ZFPM2: variants seen among roughly 807,000 people sequenced by gnomAD.
The protein encoded by ZFPM2 is zinc finger protein ZFPM2.
In ZFPM2, 20 loss-of-function variants were observed where a neutral mutation model predicts 98.6. That is an observed-to-expected ratio of 0.20 (90% CI 0.14 to 0.29). The LOEUF is 0.29. Ranked by LOEUF, ZFPM2 falls within the 10% of genes least tolerant of loss-of-function variation. ZFPM2 has a pLI of 1.00. For synonymous variants in ZFPM2, 518 were observed against 502.7 expected, an observed-to-expected ratio of 1.03 and a Z score of -0.41; for missense variants, 1,310 against 1,388.6, an observed-to-expected ratio of 0.94 and a Z score of 0.90.
intron 1 of ZFPM2, among the ~76,000 whole-genome samples, chr8:105,338,410 G>C (rs918058373): frequency 1.3e-4 from 20 of 151,752 alleles, no homozygotes; most frequent in Admixed American, 5.3e-4. Context: ...GATACCTAGA[G>C]ATCTTGTTTT....
rs181148464 is a variant in ZFPM2 at position 105,378,085 on chromosome 8, A to G, written c.41-41059A>G. Among the ~76,000 whole-genome samples the G allele has an allele frequency of 3.2e-3, 484 of 152,332 alleles. 5 individuals carry two copies. The highest frequency in any genetic ancestry group is 0.011 in the African/African-American group (451 of 41,580). On this transcript the variant is annotated intron_variant, in intron 1 of 7. Coordinates refer to ENST00000407775, the MANE Select transcript of ZFPM2 (RefSeq NM_012082.4). ...TATGTCACTATGATTTTTTAATTAA[A>G]AAAGTATTGCTATCAACTGGGATAT...
At chr8:105,766,693 A>G (rs1812859433) in intron 5 of ZFPM2, among the ~76,000 whole-genome samples, 1 of 151,912 alleles carries the variant, frequency 6.6e-6, no homozygotes, top group Non-Finnish European at 1.5e-5. Context: ...GGAATCTAAT[A>G]TGATTCCAGG....
intron 5 of ZFPM2, among the ~76,000 whole-genome samples, chr8:105,719,564 GTT>G (rs1263944971): frequency 6.6e-6 from 1 of 151,788 alleles, no homozygotes; most frequent in Non-Finnish European, 1.5e-5. Flanking sequence ...CTAAACCTCA[GTT>G]TTCTGTTATG....
At chr8:105,719,797 G>C (rs1038322103) in intron 5 of ZFPM2, among the ~76,000 whole-genome samples, 1 of 151,874 alleles carries the variant, frequency 6.6e-6, no homozygotes, top group Non-Finnish European at 1.5e-5. Context: ...AAGCCAACAG[G>C]AGTGAACAAT....
chr8:105,722,830 A>G (rs1811699597), intron 5 of ZFPM2, among the ~76,000 whole-genome samples: 1 of 151,772 alleles, frequency 6.6e-6, no homozygotes, highest in African/African-American at 2.4e-5. Context: ...AATACACTGT[A>G]ATTTCGGTCT....
At chr8:105,611,359 C>T (rs1247845747) in intron 4 of ZFPM2, among the ~76,000 whole-genome samples, 1 of 152,170 alleles carries the variant, frequency 6.6e-6, no homozygotes, top group Non-Finnish European at 1.5e-5. Context: ...ATCATTCATT[C>T]CTTCATATCA....
chr8:105,748,436 G>A (rs1346246488), intron 5 of ZFPM2, among the ~76,000 whole-genome samples: 1 of 151,966 alleles, frequency 6.6e-6, no homozygotes, highest in African/African-American at 2.4e-5. Flanking sequence ...GATTTCTTAG[G>A]CATTAGTAAA....
chr8:105,545,462 G>C (rs1462668158), intron 3 of ZFPM2, among the ~76,000 whole-genome samples: 1 of 152,002 alleles, frequency 6.6e-6, no homozygotes, highest in Non-Finnish European at 1.5e-5. Context: ...TTTATTCAAA[G>C]TGTTCTATTG....
At chr8:105,724,916 T>A (rs1811771109) in intron 5 of ZFPM2, among the ~76,000 whole-genome samples, 3 of 151,798 alleles carry the variant, frequency 2.0e-5, no homozygotes. Context: ...TCTCCAAAAT[T>A]TTTTTCTATA....
chr8:105,689,376 C>A (rs758784772), intron 5 of ZFPM2, among the ~76,000 whole-genome samples: 4 of 152,124 alleles, frequency 2.6e-5, no homozygotes, highest in Admixed American at 6.5e-5. Flanking sequence ...TTATGTTTTG[C>A]AGACATATTA....
At chr8:105,624,164 T>C (rs528514473) in intron 4 of ZFPM2, among the ~76,000 whole-genome samples, 1 of 152,328 alleles carries the variant, frequency 6.6e-6, no homozygotes, top group South Asian at 2.1e-4. Context: ...CACAGCTCTC[T>C]GGATCCCTGA....
chr8:105,545,774 A>T (rs1814682024), intron 3 of ZFPM2, among the ~76,000 whole-genome samples: 1 of 152,228 alleles, frequency 6.6e-6, no homozygotes. Flanking sequence ...GGAAATGGAA[A>T]AAAATCTAAT....
chr8:105,473,433 C>T (rs1219761414), intron 3 of ZFPM2, among the ~76,000 whole-genome samples: 3 of 152,152 alleles, frequency 2.0e-5, no homozygotes, highest in Non-Finnish European at 4.4e-5. Context: ...TACCATCTCT[C>T]CCTGACTAGC....
intron 5 of ZFPM2, among the ~76,000 whole-genome samples, chr8:105,657,794 G>A (rs745644684): frequency 1.3e-5 from 2 of 152,100 alleles, no homozygotes; most frequent in South Asian, 2.1e-4. Context: ...ATCTAGGTTT[G>A]TCCAAGACAC....
intron 5 of ZFPM2, among the ~76,000 whole-genome samples, chr8:105,723,581 A>G (rs1336525366): frequency 2.0e-5 from 3 of 151,890 alleles, no homozygotes; most frequent in Non-Finnish European, 4.4e-5. Flanking sequence ...GACATCAGGG[A>G]CAAAGCATTC....
chr8:105,500,677 T>A (rs1813573326), intron 3 of ZFPM2, among the ~76,000 whole-genome samples: 2 of 152,178 alleles, frequency 1.3e-5, no homozygotes, highest in African/African-American at 4.8e-5. Flanking sequence ...AAGAAAATAC[T>A]ATAATCAAAA....
At chr8:105,651,113 G>T (rs1563505182) in intron 5 of ZFPM2, among the ~76,000 whole-genome samples, 1 of 152,088 alleles carries the variant, frequency 6.6e-6, no homozygotes, top group Non-Finnish European at 1.5e-5. Context: ...TCCATGCCCA[G>T]TGACAAGTCT....
At chr8:105,340,117 G>A (rs747049813) in intron 1 of ZFPM2, among the ~76,000 whole-genome samples, 7 of 151,860 alleles carry the variant, frequency 4.6e-5, no homozygotes, top group Non-Finnish European at 8.8e-5. Flanking sequence ...GGAAGGAGTC[G>A]TTGAGAAAAA....
chr8:105,341,259 G>A (rs1170383663), intron 1 of ZFPM2, among the ~76,000 whole-genome samples: 3 of 151,836 alleles, frequency 2.0e-5, no homozygotes. Flanking sequence ...AATGCACTTT[G>A]ATTTTTCAGA....
Sources: gnomAD v4.1 joint callset for allele counts (sites outside exome capture counted in the v4.1 genomes callset) on GRCh38, gnomAD v4.1.1 for gene constraint, MANE v1.5 for transcripts, NCBI Gene and HGNC (gene_info 2026-07-23, HGNC 2026-07-21) for gene names.